Variants in EYS observed in about 807,000 individuals in gnomAD.
The protein encoded by EYS is EGF-like photoreceptor maintenance factor.
A neutral mutation model predicts 282.1 loss-of-function variants in EYS; 250 were observed. That is an observed-to-expected ratio of 0.89 (90% CI 0.80 to 0.98). The LOEUF is 0.98. Ranked by LOEUF, EYS falls within the 50% of genes least tolerant of loss-of-function variation. The pLI is 0.00. For missense variants in EYS, 4,016 were observed against 3,709.0 expected (o/e 1.08, Z -2.15); for synonymous variants, 1,355 against 1,282.9 (o/e 1.06, Z -1.20).
At chr6:65,264,790 C>A (rs191788958) in intron 12 of EYS, among the ~76,000 whole-genome samples, 2 of 151,336 alleles carry the variant, frequency 1.3e-5, no homozygotes, top group Admixed American at 1.3e-4. Context: ...CTCATAATTA[C>A]TAAATATAAA....
At chr6:64,348,899 A>C (rs1404564268) in intron 29 of EYS, among the ~76,000 whole-genome samples, 1 of 151,290 alleles carries the variant, frequency 6.6e-6, no homozygotes, top group East Asian at 2.0e-4. Context: ...GAGTTGTTTG[A>C]ATATTACAAG....
intron 8 of EYS, among the ~76,000 whole-genome samples, chr6:65,360,457 C>T (rs1764660267): frequency 6.6e-6 from 1 of 151,954 alleles, no homozygotes; most frequent in African/African-American, 2.4e-5. Flanking sequence ...TAGAATAATG[C>T]AAAATGAAAA....
At chr6:65,671,355 C>T (rs757449869) in intron 1 of EYS, among the ~76,000 whole-genome samples, 34 of 151,892 alleles carry the variant, frequency 2.2e-4, no homozygotes, top group Non-Finnish European at 4.6e-4. Context: ...TTTTTCTCTA[C>T]TAATCTTATT....
At chr6:65,687,599 A>G (rs1404405617) in intron 1 of EYS, among the ~76,000 whole-genome samples, 1 of 152,164 alleles carries the variant, frequency 6.6e-6, no homozygotes, top group Non-Finnish European at 1.5e-5. Context: ...AGGCAAGAGA[A>G]GGAAATAAAG....
At chr6:64,925,990 A>T (rs1259583272) in intron 15 of EYS, among the ~76,000 whole-genome samples, 5 of 152,174 alleles carry the variant, frequency 3.3e-5, no homozygotes, top group Non-Finnish European at 1.5e-5. Flanking sequence ...GAGATGGCTC[A>T]GGCTCTACAG....
intron 12 of EYS, among the ~76,000 whole-genome samples, chr6:65,129,906 C>T (rs538569307): frequency 6.6e-6 from 1 of 151,674 alleles, no homozygotes; most frequent in African/African-American, 2.4e-5. Context: ...TGAAATTAAC[C>T]CAGGGTATAT....
chr6:64,593,415 G>T lies in EYS; in HGVS notation c.3685-106C>A, dbSNP rs565971875. ...CATTTGCATTTCCATAGACATATTG[G>T]ATAGCTCAAATAAAATATTTTACTT... is the stretch of plus-strand genomic sequence containing the variant. On this transcript the variant is annotated intron_variant, in intron 24 of 42. Transcript: ENST00000503581. 39 of 710,396 alleles carry T rather than the reference G, an allele frequency of 5.5e-5. No homozygotes were observed. The African/African-American group carries it at 6.1e-4, about 11-fold the overall frequency. The allele number at this position is 710,396 out of a possible 1,614,324, so 44.0% of individuals were successfully genotyped here. A position where few individuals can be genotyped will look rare whatever the true frequency, so the allele number is the denominator to read the frequency against.
intron 2 of EYS, among the ~76,000 whole-genome samples, chr6:65,587,534 C>CA (rs1765095346): frequency 6.6e-6 from 1 of 152,016 alleles, no homozygotes; most frequent in Non-Finnish European, 1.5e-5. Context: ...CCCCTTCTGC[C>CA]GTGACTGCAA....
intron 35 of EYS, among the ~76,000 whole-genome samples, chr6:63,932,816 A>G (rs1471387236): frequency 1.3e-5 from 2 of 152,156 alleles, no homozygotes; most frequent in African/African-American, 4.8e-5. Flanking sequence ...TTCTGACACT[A>G]TTTACCTGGA....
chr6:65,418,897 C>A (rs1405022537), intron 5 of EYS, among the ~76,000 whole-genome samples: 1 of 151,962 alleles, frequency 6.6e-6, no homozygotes, highest in Non-Finnish European at 1.5e-5. Flanking sequence ...AAGCGAACCT[C>A]CAATTGTGGT....
intron 29 of EYS, among the ~76,000 whole-genome samples, chr6:64,358,758 A>T (rs1159270903): frequency 6.6e-6 from 1 of 151,748 alleles, no homozygotes; most frequent in Non-Finnish European, 1.5e-5. Context: ...CAATGCCAGA[A>T]AATGGAAACT....
chr6:64,962,568 CA>C lies in EYS; in HGVS notation c.2260-16655del, dbSNP rs560078542. Among the ~76,000 whole-genome samples the C allele has an allele frequency of 2.6e-4, 34 of 130,346 alleles. No homozygotes were observed. In the South Asian group the frequency reaches 4.9e-3, roughly 19 times the overall value. 85.5% of individuals were successfully genotyped at this position (130,346 alleles called of 152,430 possible). On this transcript the variant is annotated intron_variant, in intron 14 of 42. Coordinates refer to ENST00000503581, the MANE Select transcript of EYS (RefSeq NM_001142800.2). The stretch of plus-strand genomic sequence containing the variant: ...AACATAGGAAGACACCCTATCTTTA[CA>C]AAAAAAAAAGAAAAGAAAAAAAAAG...
intron 1 of EYS, among the ~76,000 whole-genome samples, chr6:65,676,113 C>T (rs1044445186): frequency 5.3e-5 from 8 of 151,722 alleles, no homozygotes; most frequent in Admixed American, 3.3e-4. Flanking sequence ...TCGTGATAAA[C>T]ACCTACATTA....
At chr6:65,129,820 G>A (rs984161265) in intron 12 of EYS, among the ~76,000 whole-genome samples, 5 of 151,782 alleles carry the variant, frequency 3.3e-5, no homozygotes, top group Admixed American at 6.6e-5. Context: ...TACACTCAAC[G>A]GAAAATAAAT....
intron 26 of EYS, among the ~76,000 whole-genome samples, chr6:64,551,157 T>C (rs1765066021): frequency 6.7e-6 from 1 of 149,350 alleles, no homozygotes; most frequent in Non-Finnish European, 1.5e-5. Context: ...TGTATATACA[T>C]ATATGTGTAT....
At chr6:65,169,819 A>G (rs1409711490) in intron 12 of EYS, among the ~76,000 whole-genome samples, 1 of 151,496 alleles carries the variant, frequency 6.6e-6, no homozygotes, top group East Asian at 2.0e-4. Context: ...TCTTTTAAGG[A>G]TGTTTTACTA....
At chr6:65,591,739 C>T (rs16896885) in intron 2 of EYS, among the ~76,000 whole-genome samples, 1,753 of 152,198 alleles carry the variant, frequency 0.012, 59 homozygotes, top group Admixed American at 0.081. Context: ...CTTCAGCTAT[C>T]ACTTGACATG....
intron 12 of EYS, among the ~76,000 whole-genome samples, chr6:65,120,810 T>C (rs192401955): frequency 3.9e-5 from 6 of 152,296 alleles, no homozygotes; most frequent in South Asian, 4.1e-4. Flanking sequence ...TAAACATCTA[T>C]ATAGATGAAA....
chr6:63,740,772 T>G (rs1769055479), intron 41 of EYS, among the ~76,000 whole-genome samples: 1 of 152,200 alleles, frequency 6.6e-6, no homozygotes, highest in Non-Finnish European at 1.5e-5. Flanking sequence ...AAAATTCTGA[T>G]GCCTTTTGGG....
Sources: gnomAD v4.1 joint callset for allele counts (sites outside exome capture counted in the v4.1 genomes callset) on GRCh38, gnomAD v4.1.1 for gene constraint, MANE v1.5 for transcripts, NCBI Gene and HGNC (gene_info 2026-07-23, HGNC 2026-07-21) for gene names.